The following STX3 variants were observed in gnomAD, a reference collection of about 807,000 sequenced individuals.
STX3 encodes the protein syntaxin 3.
STX3 carries 19 observed loss-of-function variants against 40.2 expected under a neutral mutation model. The observed-to-expected ratio is 0.47, with a 90% CI of 0.33 to 0.69. The LOEUF is 0.69. STX3 is among the 30% of genes least tolerant of loss of function. STX3 has a pLI of 0.02. For missense variants in STX3, 364 were observed against 366.7 expected (o/e 0.99, Z 0.06); for synonymous variants, 122 against 132.2 (o/e 0.92, Z 0.53).
At chr11:59,758,601 C>A (rs987606047) in intron 1 of STX3, among the ~76,000 whole-genome samples, 1 of 152,232 alleles carries the variant, frequency 6.6e-6, no homozygotes, top group Non-Finnish European at 1.5e-5. Context: ...AGATCTGACT[C>A]ACCTGGTCTC....
intron 1 of STX3, among the ~76,000 whole-genome samples, chr11:59,772,836 A>G (rs1162606370): frequency 2.0e-5 from 3 of 152,124 alleles, no homozygotes; most frequent in Non-Finnish European, 2.9e-5. Context: ...TCCTATATTC[A>G]TTATCTCTTT....
chr11:59,802,274 T>C lies in STX3; in HGVS notation c.*1450T>C. On this transcript the variant is annotated 3_prime_UTR_variant, in exon 11 of 11. Coordinates refer to ENST00000337979, the MANE Select transcript of STX3 (RefSeq NM_004177.5). ...GCCGCTAGGAAATCTTCAAGTGTAG[T>C]GTCTGTGCTAACCCAGTGGTAAATC... 6.1e-6 allele frequency: 6 copies of C among 985,502 alleles called. No homozygotes were observed. The highest frequency in any genetic ancestry group is 7.2e-6 in the Non-Finnish European group (6 of 829,974). The allele number at this position is 985,502 out of a possible 1,614,324, so 61.0% of individuals were successfully genotyped here. A position where few individuals can be genotyped will look rare whatever the true frequency, so the allele number is the denominator to read the frequency against.
rs999538081 is a variant in STX3, at chr11:59,802,187, G to A, written c.*1363G>A. ...TACACAGTAGCTCTTCCTGCTACTC[G>A]GTTAATGAGCTTGGCAGGTTCTTTG... is the stretch of plus-strand genomic sequence containing the variant. On this transcript the variant is annotated 3_prime_UTR_variant, in exon 11 of 11. Coordinates refer to ENST00000337979, the MANE Select transcript of STX3 (RefSeq NM_004177.5). 4.1e-6 allele frequency: 4 copies of A among 985,376 alleles called. No individual in the cohort carries two copies. The highest frequency in any genetic ancestry group is 4.8e-6 in the Non-Finnish European group (4 of 829,938). 61.0% of individuals were successfully genotyped at this position (985,376 alleles called of 1,614,324 possible).
chr11:59,783,741 T>C (rs373866415), intron 2 of STX3, among the ~76,000 whole-genome samples: 31 of 152,312 alleles, frequency 2.0e-4, no homozygotes, highest in African/African-American at 7.2e-4. Flanking sequence ...GAAAGTCACC[T>C]TTGAGGAAAA....
chr11:59,773,428 CAA>C, intron 2 of STX3, 134 bp downstream of exon 2: 1 of 724,330 alleles, frequency 1.4e-6, no homozygotes, highest in South Asian at 1.9e-5. Context: ...GATGGCCAGA[CAA>C]AGAAATTAAA....
intron 1 of STX3, among the ~76,000 whole-genome samples, chr11:59,767,149 A>G (rs1384240577): frequency 6.6e-6 from 1 of 152,114 alleles, no homozygotes; most frequent in African/African-American, 2.4e-5. Flanking sequence ...AGAGGAGGTC[A>G]TAACCCTGGC....
chr11:59,785,503 G>T (rs146932529), intron 2 of STX3, among the ~76,000 whole-genome samples: 2 of 152,146 alleles, frequency 1.3e-5, no homozygotes, highest in South Asian at 2.1e-4. Context: ...GCTGATTTTT[G>T]TATTTTTTGT....
At chr11:59,781,577 A>G in intron 2 of STX3, 2 of 1,613,862 alleles carry the variant, frequency 1.2e-6, no homozygotes, top group Middle Eastern at 1.7e-4. Context: ...GGTTTTTACC[A>G]TCACAAGTGA....
At chr11:59,765,842 G>A (rs1863255972) in intron 1 of STX3, among the ~76,000 whole-genome samples, 1 of 152,122 alleles carries the variant, frequency 6.6e-6, no homozygotes, top group African/African-American at 2.4e-5. Flanking sequence ...CAAAACCCAG[G>A]TGTGTCATTG....
intron 10 of STX3, chr11:59,799,671 T>G: frequency 1.0e-6 from 1 of 985,456 alleles, no homozygotes; most frequent in Non-Finnish European, 1.2e-6. Flanking sequence ...TATATTTGTT[T>G]CAGTGTGTCT....
intron 1 of STX3, among the ~76,000 whole-genome samples, chr11:59,768,672 C>A (rs1200699027): frequency 6.6e-6 from 1 of 152,012 alleles, no homozygotes; most frequent in Non-Finnish European, 1.5e-5. Context: ...GGTCAGCTTC[C>A]AAAGGGTTAT....
At chr11:59,794,132 A>G (rs973110840) in intron 8 of STX3, among the ~76,000 whole-genome samples, 2 of 151,922 alleles carry the variant, frequency 1.3e-5, no homozygotes, top group African/African-American at 4.8e-5. Context: ...CCTTTTGCTA[A>G]GGCACAGAGC....
At chr11:59,795,254 A>C (rs1865441567) in intron 8 of STX3, 118 bp from the exon 9 acceptor site, 8 of 800,924 alleles carry the variant, frequency 1.0e-5, no homozygotes, top group Middle Eastern at 2.5e-4. Flanking sequence ...GCCATGCATC[A>C]AGGTTTGTGG....
At chr11:59,791,073 A>G (rs1234639188) in intron 5 of STX3, among the ~76,000 whole-genome samples, 4 of 152,252 alleles carry the variant, frequency 2.6e-5, no homozygotes, top group Non-Finnish European at 4.4e-5. Context: ...TGCTCTCAGC[A>G]TCAAAAGATC....
intron 9 of STX3, 126 bp downstream of exon 9, chr11:59,795,608 A>G (rs1865470037): frequency 6.5e-7 from 1 of 1,541,508 alleles, no homozygotes. Context: ...AAAGGGATCC[A>G]TGATTGACCG....
At chr11:59,782,550 G>A (rs182437522) in intron 2 of STX3, among the ~76,000 whole-genome samples, 3 of 152,298 alleles carry the variant, frequency 2.0e-5, no homozygotes, top group Non-Finnish European at 4.4e-5. Flanking sequence ...ACAGATGAGA[G>A]AACTGGTGCT....
chr11:59,758,056 G>C (rs1463252145), intron 1 of STX3, among the ~76,000 whole-genome samples: 1 of 152,206 alleles, frequency 6.6e-6, no homozygotes, highest in Non-Finnish European at 1.5e-5. Context: ...CTAAATCCTG[G>C]GGAGGGGAGG....
intron 1 of STX3, among the ~76,000 whole-genome samples, chr11:59,756,420 A>ATT (rs1862721309): frequency 1.3e-5 from 2 of 152,232 alleles, no homozygotes; most frequent in Non-Finnish European, 2.9e-5. Flanking sequence ...TGACTCATTC[A>ATT]GTACATAATT....
intron 1 of STX3, among the ~76,000 whole-genome samples, chr11:59,771,976 G>A (rs1374930677): frequency 2.0e-5 from 3 of 152,148 alleles, no homozygotes; most frequent in Admixed American, 6.5e-5. Context: ...ATGAGATGCT[G>A]GGGGAGCCAA....
Sources: allele counts gnomAD v4.1 joint callset (sites outside exome capture counted in the v4.1 genomes callset), GRCh38; gene constraint gnomAD v4.1.1; transcripts MANE v1.5; gene names NCBI Gene and HGNC (gene_info 2026-07-23, HGNC 2026-07-21).